The following MCM5 variants were observed in gnomAD, a reference collection of about 807,000 sequenced individuals.
MCM5 encodes DNA replication licensing factor MCM5.
Under a neutral mutation model 79.9 loss-of-function variants are expected in MCM5, and 46 were observed. The observed-to-expected ratio is 0.58, with a 90% CI of 0.45 to 0.74. The LOEUF (loss-of-function observed/expected upper bound fraction) is 0.74, where lower values mean the gene tolerates loss of function less well. Among genes scored for constraint, MCM5 ranks in the 30% least tolerant of loss-of-function variants. The pLI, the probability that MCM5 is intolerant of heterozygous loss-of-function variation, is 0.00. For missense variants in MCM5, 883 were observed against 1,017.0 expected, an observed-to-expected ratio of 0.87 and a Z score of 1.79; for synonymous variants, 404 against 390.5, an observed-to-expected ratio of 1.03 and a Z score of -0.41.
intron 4 of MCM5, among the ~76,000 whole-genome samples, chr22:35,405,735 C>T (rs570812965): frequency 1.7e-3 from 254 of 152,044 alleles, no homozygotes; most frequent in African/African-American, 5.9e-3. Context: ...TACGGCCGGG[C>T]GCGGTGGCTC....
At chr22:35,425,567 C>G (rs1227754981), downstream of MCM5, 1 of 152,044 alleles carries the variant, frequency 6.6e-6, no homozygotes, top group Non-Finnish European at 1.5e-5. Flanking sequence ...CTGACTCACT[C>G]CCGTTCAAAG....
At chr22:35,430,079 A>C (rs1932802721), downstream of MCM5, among the ~76,000 whole-genome samples, 1 of 152,228 alleles carries the variant, frequency 6.6e-6, no homozygotes, top group Non-Finnish European at 1.5e-5. Context: ...ATAAAAGCCC[A>C]TCTGGAAGAG....
intron 6 of MCM5, among the ~76,000 whole-genome samples, chr22:35,409,036 C>T (rs1932300137): frequency 1.3e-5 from 2 of 151,900 alleles, no homozygotes; most frequent in African/African-American, 4.8e-5. Flanking sequence ...GATCTCGGCT[C>T]ACTGCAAGCT....
downstream of MCM5, among the ~76,000 whole-genome samples, chr22:35,428,148 G>A (rs924377103): frequency 6.6e-6 from 1 of 151,442 alleles, no homozygotes; most frequent in African/African-American, 2.4e-5. Flanking sequence ...AGCCTCCTGA[G>A]TAGCTGGGAT....
chr22:35,450,253 G>A, the MCM5 span, among the ~76,000 whole-genome samples: 1 of 152,172 alleles, frequency 6.6e-6, no homozygotes, highest in East Asian at 1.9e-4. Flanking sequence ...CGGAGAGGCT[G>A]CTTCCTCTCT....
intron 12 of MCM5, 67 bp from the exon 13 acceptor site, chr22:35,417,677 A>G (rs1932582031): frequency 8.9e-7 from 1 of 1,121,786 alleles, no homozygotes; most frequent in Non-Finnish European, 1.4e-6. Flanking sequence ...TGGCTGTTCC[A>G]CCTCAGTGCT....
At chr22:35,419,792 AT>A in intron 13 of MCM5, 91 bp from the exon 14 acceptor site, 1 of 1,363,612 alleles carries the variant, frequency 7.3e-7, no homozygotes, top group Non-Finnish European at 9.9e-7. Flanking sequence ...GGGAAAGTGC[AT>A]GTCTGTAAGC....
chr22:35,412,045 G>A (rs1334683427), intron 7 of MCM5, among the ~76,000 whole-genome samples: 6 of 152,146 alleles, frequency 3.9e-5, no homozygotes, highest in Admixed American at 1.3e-4. Flanking sequence ...CCTTTAAAAC[G>A]TGTCCAGGAT....
intron 5 of MCM5, 39 bp downstream of exon 5, chr22:35,406,764 G>C: frequency 6.3e-7 from 1 of 1,594,628 alleles, no homozygotes; most frequent in Non-Finnish European, 8.5e-7. Flanking sequence ...GAGGTGACCT[G>C]AGTGAAGATC....
chr22:35,434,648 C>A, the MCM5 span, among the ~76,000 whole-genome samples: 2 of 152,320 alleles, frequency 1.3e-5, no homozygotes, highest in Non-Finnish European at 2.9e-5. Context: ...TCTGACAACA[C>A]CTTTACCCCA....
chr22:35,430,912 A>G, the MCM5 span, among the ~76,000 whole-genome samples: 1 of 151,686 alleles, frequency 6.6e-6, no homozygotes, highest in Non-Finnish European at 1.5e-5. Flanking sequence ...AATAACCCTG[A>G]ATAATCAGGA....
chr22:35,453,647 A>C, the MCM5 span, among the ~76,000 whole-genome samples: 1 of 151,726 alleles, frequency 6.6e-6, no homozygotes, highest in Non-Finnish European at 1.5e-5. Context: ...GGACAGATAT[A>C]CAGAAACAGA....
intron 16 of MCM5, chr22:35,423,802 T>G: frequency 4.1e-6 from 1 of 242,714 alleles, no homozygotes; most frequent in Non-Finnish European, 7.9e-6. Context: ...TCCTAGTTTC[T>G]GGTCTCCGCT....
the MCM5 span, among the ~76,000 whole-genome samples, chr22:35,436,164 C>CAAAAAAA: frequency 3.3e-5 from 2 of 61,066 alleles, no homozygotes; most frequent in South Asian, 6.0e-4. Context: ...AACTCAGTCT[C>CAAAAAAA]AAAAAAAAAA....
the MCM5 span, among the ~76,000 whole-genome samples, chr22:35,448,251 G>A: frequency 1.3e-5 from 2 of 152,224 alleles, no homozygotes; most frequent in African/African-American, 4.8e-5. Context: ...AACGAAGAGA[G>A]CTATGTGGAG....
chr22:35,412,512 C>T lies in MCM5; in HGVS notation c.922C>T (p.Arg308Cys), dbSNP rs746419329. The change falls in exon 8 of 17, where the codon CGC becomes TGC. Residue 308 changes from arginine (R) to cysteine (C), a missense_variant and splice_region_variant. Physicochemically the swap from Arg to Cys is radical, Grantham distance 180. Around this residue, in one of 3 missense-constraint regions of MCM5, gnomAD observed 455 missense variants for 517.5 expected, o/e 0.88. Coordinates refer to ENST00000216122, the MANE Select transcript of MCM5 (RefSeq NM_006739.4). ...ATGCGCCTGCTTTGCCTACCAAGGC[C>T]GCAGCTTTGCTGGGGCCGTGAGCCC... ...GIQVDTDGSG[R>C]SFAGAVSPQE... 4.4e-5 allele frequency: 68 copies of T among 1,546,428 alleles called. No individual in the cohort carries two copies. The highest frequency in any genetic ancestry group is 3.1e-4 in the East Asian group (13 of 42,226).
the MCM5 span, among the ~76,000 whole-genome samples, chr22:35,437,037 T>C: frequency 1.3e-5 from 2 of 152,164 alleles, no homozygotes; most frequent in Admixed American, 1.3e-4. Context: ...CAGAAATTTC[T>C]CTGAACACAG....
intron 7 of MCM5, 61 bp downstream of exon 7, chr22:35,410,971 G>A (rs1932367620): frequency 6.8e-7 from 1 of 1,481,052 alleles, no homozygotes; most frequent in Non-Finnish European, 9.1e-7. Flanking sequence ...CATACTTCTG[G>A]TAACAGGCAG....
At chr22:35,408,143 A>T (rs1932271822) in intron 5 of MCM5, among the ~76,000 whole-genome samples, 1 of 152,116 alleles carries the variant, frequency 6.6e-6, no homozygotes, top group Non-Finnish European at 1.5e-5. Context: ...ACCGAGTGTG[A>T]CCTGTCTGCC....
Sources: allele counts gnomAD v4.1 joint callset (sites outside exome capture counted in the v4.1 genomes callset), GRCh38; gene constraint gnomAD v4.1.1; regional missense constraint gnomAD v4.1.1; transcripts MANE v1.5; gene names NCBI Gene and HGNC (gene_info 2026-07-23, HGNC 2026-07-21).